The following CCSER1 variants were observed in gnomAD, a reference collection of about 807,000 sequenced individuals.
CCSER1 encodes the protein serine-rich coiled-coil domain-containing protein 1.
A neutral mutation model predicts 82.0 loss-of-function variants in CCSER1; 41 were observed. The observed-to-expected ratio is 0.50, with a 90% CI of 0.39 to 0.65. The LOEUF (loss-of-function observed/expected upper bound fraction) is 0.65. Ranked by LOEUF, CCSER1 falls within the 30% of genes least tolerant of loss-of-function variation. The probability of loss-of-function intolerance (pLI) is 0.00; values close to 1 mark genes in which losing one functional copy is unlikely to be tolerated. For synonymous variants in CCSER1, 414 were observed against 383.9 expected, an observed-to-expected ratio of 1.08 and a Z score of -0.92; for missense variants, 1,119 against 1,064.2, an observed-to-expected ratio of 1.05 and a Z score of -0.72.
At chr4:91,263,079 AAAT>A (rs1454192353) in intron 10 of CCSER1, among the ~76,000 whole-genome samples, 9 of 152,136 alleles carry the variant, frequency 5.9e-5, no homozygotes, top group African/African-American at 2.2e-4. Context: ...GGATATGTGA[AAAT>A]ATACTGAAAC....
chr4:90,529,953 T>TA lies in CCSER1; in HGVS notation c.1724+61599_1724+61600insA, dbSNP rs1362762409. 7.4e-4 allele frequency among the ~76,000 whole-genome samples: 67 copies of TA among 89,976 alleles called. No homozygotes were observed. The East Asian group carries it at 8.3e-3, about 11-fold the overall frequency. 59.0% of individuals were successfully genotyped at this position (89,976 alleles called of 152,430 possible). A position where few individuals can be genotyped will look rare whatever the true frequency, so the allele number is the denominator to read the frequency against. ...TTAAATAGAATATATATATATATAT[T>TA]TTTTTTTTCTCTAATGGTAGAGAAT... On this transcript the variant is annotated intron_variant, in intron 5 of 10. Coordinates refer to ENST00000509176, the MANE Select transcript of CCSER1 (RefSeq NM_001145065.2).
rs1722866653 is a variant in CCSER1, at chr4:91,082,381, C to T, written c.2173-3569C>T. 2.0e-5 allele frequency among the ~76,000 whole-genome samples: 3 copies of T among 152,158 alleles called. No homozygotes were observed. In the South Asian group the frequency reaches 6.2e-4, roughly 32 times the overall value. Reference sequence around the variant, plus strand: ...TATGTAGAAAGCTGAAACTGGATCCCTTCCTTACACCTTATACAAAAATTA... The same window carrying T: ...TATGTAGAAAGCTGAAACTGGATCCTTTCCTTACACCTTATACAAAAATTA... On this transcript the variant is annotated intron_variant, in intron 9 of 10. Coordinates refer to ENST00000509176, the MANE Select transcript of CCSER1 (RefSeq NM_001145065.2).
chr4:91,375,606 G>C (rs530416489), intron 10 of CCSER1, among the ~76,000 whole-genome samples: 17 of 151,724 alleles, frequency 1.1e-4, no homozygotes, highest in African/African-American at 3.9e-4. Context: ...GCTTTTCATG[G>C]GGAAAGTTCC....
chr4:90,259,707 T>C (rs1447426754), intron 1 of CCSER1, among the ~76,000 whole-genome samples: 2 of 152,212 alleles, frequency 1.3e-5, no homozygotes, highest in Non-Finnish European at 2.9e-5. Context: ...CCTTATCTAT[T>C]GAGATGATCA....
chr4:90,249,033 T>C (rs891314907), intron 1 of CCSER1, among the ~76,000 whole-genome samples: 2 of 152,088 alleles, frequency 1.3e-5, no homozygotes, highest in African/African-American at 2.4e-5. Context: ...TGTTGAGTCA[T>C]AGACTGCAGT....
chr4:90,555,533 G>A (rs1042813225), intron 5 of CCSER1, among the ~76,000 whole-genome samples: 1 of 152,012 alleles, frequency 6.6e-6, no homozygotes, highest in Non-Finnish European at 1.5e-5. Context: ...ATATGAGATT[G>A]TGCTCTTCTC....
At chr4:90,240,900 A>G (rs1326218105) in intron 1 of CCSER1, among the ~76,000 whole-genome samples, 2 of 152,224 alleles carry the variant, frequency 1.3e-5, no homozygotes, top group Non-Finnish European at 1.5e-5. Flanking sequence ...TGCAGTGGGA[A>G]TGAAAGCCTG....
chr4:91,335,404 G>C (rs527802356), intron 10 of CCSER1, among the ~76,000 whole-genome samples: 1 of 152,190 alleles, frequency 6.6e-6, no homozygotes, highest in African/African-American at 2.4e-5. Context: ...CAGCGGGAAG[G>C]GTGGCTGTGA....
intron 7 of CCSER1, among the ~76,000 whole-genome samples, chr4:90,790,924 C>T (rs1755138511): frequency 6.6e-6 from 1 of 152,128 alleles, no homozygotes; most frequent in African/African-American, 2.4e-5. Flanking sequence ...AGCAGCACCC[C>T]ACTCTCTGCA....
chr4:90,383,878 T>C (rs1749599029), intron 3 of CCSER1, among the ~76,000 whole-genome samples: 1 of 152,042 alleles, frequency 6.6e-6, no homozygotes, highest in African/African-American at 2.4e-5. Flanking sequence ...ACTACAGGCC[T>C]GTGTCCTGCC....
intron 10 of CCSER1, among the ~76,000 whole-genome samples, chr4:91,490,690 TGCTACACTTAACAGTGTG>T (rs1205549824): frequency 6.7e-6 from 1 of 150,288 alleles, no homozygotes; most frequent in Admixed American, 6.7e-5. Flanking sequence ...ACAACAGTTG[TGCTACACTTAACAGTGTG>T]ACTACAGTTA....
chr4:90,696,135 T>G (rs1736963698), intron 6 of CCSER1, among the ~76,000 whole-genome samples: 2 of 152,134 alleles, frequency 1.3e-5, no homozygotes, highest in Non-Finnish European at 2.9e-5. Flanking sequence ...ATGCTGATTT[T>G]GTTTTTCATT....
At chr4:91,382,702 G>C (rs1040137115) in intron 10 of CCSER1, among the ~76,000 whole-genome samples, 17 of 152,092 alleles carry the variant, frequency 1.1e-4, no homozygotes, top group African/African-American at 4.1e-4. Flanking sequence ...TTGGTGGACT[G>C]CACCCACTGT....
At chr4:91,137,787 A>C (rs1728628822) in intron 10 of CCSER1, among the ~76,000 whole-genome samples, 1 of 151,886 alleles carries the variant, frequency 6.6e-6, no homozygotes, top group Non-Finnish European at 1.5e-5. Context: ...CTTATACACC[A>C]ACAACAGACA....
intron 4 of CCSER1, among the ~76,000 whole-genome samples, chr4:90,440,288 A>G (rs1759678509): frequency 6.6e-6 from 1 of 152,142 alleles, no homozygotes; most frequent in Admixed American, 6.6e-5. Flanking sequence ...TACAGTTATG[A>G]GCCACTGCAT....
At chr4:90,644,161 G>C (rs1235757441) in intron 6 of CCSER1, among the ~76,000 whole-genome samples, 1 of 152,158 alleles carries the variant, frequency 6.6e-6, no homozygotes, top group Non-Finnish European at 1.5e-5. Flanking sequence ...CTTAGGATCA[G>C]AAGTGTTTCA....
rs546897385 is a variant in CCSER1, at chr4:91,193,920, C to T, written c.2217+107926C>T. 5.9e-4 allele frequency among the ~76,000 whole-genome samples: 90 copies of T among 151,766 alleles called. 2 individuals carry two copies. Among genetic ancestry groups the T allele is most frequent in the Non-Finnish European group, 5.0e-4 (34 of 67,932 alleles). On this transcript the variant is annotated intron_variant, in intron 10 of 10. Transcript: ENST00000509176. ...TGTGTTTTAGTTTGAGACAATATTT[C>T]GTTGACTCAACAAGAACCCACATAT...
intron 1 of CCSER1, among the ~76,000 whole-genome samples, chr4:90,297,734 T>C (rs1307512670): frequency 4.6e-5 from 7 of 152,236 alleles, no homozygotes; most frequent in South Asian, 4.1e-4. Context: ...AGGCCTTTTC[T>C]GCATCTATTG....
chr4:90,773,593 G>A (rs1752517083), intron 7 of CCSER1, among the ~76,000 whole-genome samples: 1 of 152,262 alleles, frequency 6.6e-6, no homozygotes, highest in African/African-American at 2.4e-5. Context: ...TATTTTTTAA[G>A]ATTAGACTTT....
Sources: allele counts gnomAD v4.1 joint callset (sites outside exome capture counted in the v4.1 genomes callset), GRCh38; gene constraint gnomAD v4.1.1; transcripts MANE v1.5; gene names NCBI Gene and HGNC (gene_info 2026-07-23, HGNC 2026-07-21).